The following PKIB variants were observed in gnomAD, a reference collection of about 807,000 sequenced individuals.
PKIB encodes the protein PKI-beta.
In PKIB, 2 loss-of-function variants were observed where a neutral mutation model predicts 4.5. That is an observed-to-expected ratio of 0.44 (90% CI 0.18 to 1.39). The LOEUF (loss-of-function observed/expected upper bound fraction) is 1.39. Ranked by LOEUF, PKIB falls within the 40% of genes most tolerant of loss-of-function variation. The pLI is 0.27. For missense variants in PKIB, 94 were observed against 92.6 expected, an observed-to-expected ratio of 1.02 and a Z score of -0.06; for synonymous variants, 38 against 36.0, an observed-to-expected ratio of 1.06 and a Z score of -0.20.
intron 2 of PKIB, among the ~76,000 whole-genome samples, chr6:122,508,526 A>G (rs922339308): frequency 3.3e-5 from 5 of 152,192 alleles, no homozygotes; most frequent in Non-Finnish European, 5.9e-5. Context: ...GGGGAAACCA[A>G]CAAGTCAGCT....
At chr6:122,704,081 C>T (rs567530823) in intron 3 of PKIB, among the ~76,000 whole-genome samples, 66 of 151,700 alleles carry the variant, frequency 4.4e-4, no homozygotes, top group Non-Finnish European at 7.4e-4. Flanking sequence ...GTCTGATAAC[C>T]GGGAGACCCA....
chr6:122,640,058 A>G (rs1249680974), intron 2 of PKIB, among the ~76,000 whole-genome samples: 2 of 152,176 alleles, frequency 1.3e-5, no homozygotes, highest in African/African-American at 2.4e-5. Flanking sequence ...TACATCAGAG[A>G]AAAGGAGATA....
At chr6:122,708,454 C>G (rs1396127088) in intron 3 of PKIB, among the ~76,000 whole-genome samples, 3 of 152,022 alleles carry the variant, frequency 2.0e-5, no homozygotes, top group Non-Finnish European at 4.4e-5. Flanking sequence ...AAAATTTCAC[C>G]TTTAGGGAGA....
upstream of PKIB, among the ~76,000 whole-genome samples, chr6:122,605,953 C>T (rs1774522307): frequency 6.6e-6 from 1 of 152,206 alleles, no homozygotes; most frequent in Non-Finnish European, 1.5e-5. Flanking sequence ...CTTGCTATTC[C>T]TCTGGCCTCC....
chr6:122,721,907 G>A lies in PKIB; in HGVS notation c.170-3221G>A, dbSNP rs1474085707. On this transcript the variant is annotated intron_variant, in intron 4 of 4. Coordinates refer to ENST00000368452, the MANE Select transcript of PKIB (RefSeq NM_181795.3). The stretch of plus-strand genomic sequence containing the variant: ...ACTCAACATTTTCTTGCTTTCCCAA[G>A]AGTTCTTATTATGATCAAAAAAGTG... 3.9e-5 allele frequency among the ~76,000 whole-genome samples: 6 copies of A among 151,998 alleles called. No homozygotes were observed. In the East Asian group the frequency reaches 1.2e-3, roughly 29 times the overall value.
In PKIB at chr6:122,540,034, T is replaced by C. The variant is rs558259504; in HGVS notation, c.-247-45887T>C. On this transcript the variant is annotated intron_variant, in intron 2 of 6. Coordinates refer to the PKIB transcript ENST00000392491. ...ATGGGATCGGTGGTGATATCCCCTT[T>C]ATCATTTTTTATTGCGTCTATTTGA... 4.6e-5 allele frequency among the ~76,000 whole-genome samples: 7 copies of C among 152,178 alleles called. No individual in the cohort carries two copies. In the South Asian group the frequency reaches 1.5e-3, roughly 32 times the overall value.
Position 122,475,056 on chromosome 6 carries a change from C to T in PKIB, c.-336-2795C>T, listed in dbSNP as rs1342310844. On this transcript the variant is annotated intron_variant, in intron 1 of 6. Transcript: ENST00000392491. ...TGTTGTTCTTGTTATTGTTTTGAGA[C>T]GTAGGCTTGCTCTATTGCCCAGGCT... Among the ~76,000 whole-genome samples the T allele has an allele frequency of 3.9e-5, 6 of 152,240 alleles. No individual in the cohort carries two copies. In the East Asian group the frequency reaches 1.2e-3, roughly 29 times the overall value.
intron 4 of PKIB, among the ~76,000 whole-genome samples, chr6:122,723,014 A>G (rs990879101): frequency 6.6e-6 from 1 of 151,950 alleles, no homozygotes; most frequent in African/African-American, 2.4e-5. Context: ...CTTTCCTGTA[A>G]CGTTTCTCTT....
intron 2 of PKIB, among the ~76,000 whole-genome samples, chr6:122,649,183 T>A (rs1776446596): frequency 6.6e-6 from 1 of 152,198 alleles, no homozygotes; most frequent in South Asian, 2.1e-4. Flanking sequence ...AATTTTTCAG[T>A]CATGTTCCTT....
chr6:122,683,033 C>T (rs1777961020), intron 3 of PKIB, among the ~76,000 whole-genome samples: 1 of 152,184 alleles, frequency 6.6e-6, no homozygotes, highest in South Asian at 2.1e-4. Context: ...GTCTGCTCAT[C>T]TCCCACAGGC....
At chr6:122,576,555 C>A (rs1773535271) in intron 2 of PKIB, among the ~76,000 whole-genome samples, 1 of 148,522 alleles carries the variant, frequency 6.7e-6, no homozygotes, top group African/African-American at 2.5e-5. Flanking sequence ...GTAGTCCCAG[C>A]TAATCGGGAG....
chr6:122,576,781 A>C (rs536704785), intron 2 of PKIB, among the ~76,000 whole-genome samples: 1 of 149,508 alleles, frequency 6.7e-6, no homozygotes, highest in African/African-American at 2.5e-5. Flanking sequence ...ACTATTTAAC[A>C]TAGCACATCT....
intron 2 of PKIB, among the ~76,000 whole-genome samples, chr6:122,634,120 A>G (rs1775817171): frequency 6.6e-6 from 1 of 152,118 alleles, no homozygotes; most frequent in Non-Finnish European, 1.5e-5. Context: ...AGAAAACCAA[A>G]CACTGCATGT....
chr6:122,647,610 A>G (rs1776378654), intron 2 of PKIB, among the ~76,000 whole-genome samples: 1 of 152,242 alleles, frequency 6.6e-6, no homozygotes, highest in Admixed American at 6.5e-5. Flanking sequence ...TCTCCTTGAC[A>G]TTCTGTAGCT....
At chr6:122,678,163 G>T (rs1777760935) in intron 3 of PKIB, among the ~76,000 whole-genome samples, 1 of 152,164 alleles carries the variant, frequency 6.6e-6, no homozygotes, top group African/African-American at 2.4e-5. Context: ...CTCCCAAAGT[G>T]CTGGGATTAC....
intron 2 of PKIB, among the ~76,000 whole-genome samples, chr6:122,663,863 T>C (rs1213721839): frequency 6.6e-6 from 1 of 152,194 alleles, no homozygotes; most frequent in Non-Finnish European, 1.5e-5. Flanking sequence ...CATAACACCA[T>C]ATCTGTATTT....
intron 2 of PKIB, among the ~76,000 whole-genome samples, chr6:122,656,279 C>T (rs950536611): frequency 2.0e-5 from 3 of 152,096 alleles, no homozygotes; most frequent in Non-Finnish European, 4.4e-5. Flanking sequence ...AGTTCAAATC[C>T]TCTTTCAGAG....
chr6:122,599,944 G>C (rs114947811), intron 3 of PKIB, among the ~76,000 whole-genome samples: 1 of 151,708 alleles, frequency 6.6e-6, no homozygotes, highest in Admixed American at 6.6e-5. Context: ...TATTAGTCAG[G>C]GTTATTTTAC....
intron 2 of PKIB, among the ~76,000 whole-genome samples, chr6:122,513,430 G>T (rs1776648016): frequency 6.6e-6 from 1 of 152,090 alleles, no homozygotes; most frequent in Non-Finnish European, 1.5e-5. Context: ...CGACTAAATT[G>T]CTGGATAAAA....
Sources: gnomAD v4.1 joint callset for allele counts (sites outside exome capture counted in the v4.1 genomes callset) on GRCh38, gnomAD v4.1.1 for gene constraint, MANE v1.5 for transcripts, NCBI Gene and HGNC (gene_info 2026-07-23, HGNC 2026-07-21) for gene names.